Variants in ARNT2 observed in about 807,000 individuals in gnomAD.
ARNT2 encodes the protein aryl hydrocarbon receptor nuclear translocator 2, also known as ARNT protein 2.
A neutral mutation model predicts 91.7 loss-of-function variants in ARNT2; 36 were observed. That is an observed-to-expected ratio of 0.39 (90% CI 0.30 to 0.52). The LOEUF (loss-of-function observed/expected upper bound fraction) is 0.52, where lower values mean the gene tolerates loss of function less well. Ranked by LOEUF, ARNT2 falls within the 20% of genes least tolerant of loss-of-function variation. ARNT2 has a pLI of 0.72. For missense variants in ARNT2, 775 were observed against 939.3 expected, an observed-to-expected ratio of 0.83 and a Z score of 2.29; for synonymous variants, 365 against 347.1, an observed-to-expected ratio of 1.05 and a Z score of -0.57.
At position 80,541,901 on chromosome 15, in the gene ARNT2, C is replaced by T. The variant is rs1057088389; in HGVS notation, c.878-9298C>T. 3.3e-5 allele frequency among the ~76,000 whole-genome samples: 5 copies of T among 152,218 alleles called. No homozygotes were observed. The East Asian group carries it at 9.6e-4, about 29-fold the overall frequency. ...TCCCCTACTGCCTTCCTGCAGTCAT[C>T]CATCAAGACCCTGGTCACGTGAGTG... is the stretch of plus-strand genomic sequence containing the variant. On this transcript the variant is annotated intron_variant, in intron 8 of 18. Transcript: ENST00000303329.
chr15:80,463,692 C>T (rs1896599037), intron 3 of ARNT2, among the ~76,000 whole-genome samples: 1 of 151,630 alleles, frequency 6.6e-6, no homozygotes, highest in Non-Finnish European at 1.5e-5. Flanking sequence ...AATTCTCCTG[C>T]CTCAGCCTCC....
At chr15:80,531,877 G>A (rs1470562602) in intron 8 of ARNT2, among the ~76,000 whole-genome samples, 2 of 152,098 alleles carry the variant, frequency 1.3e-5, no homozygotes, top group Non-Finnish European at 2.9e-5. Flanking sequence ...TGACCCTAAC[G>A]TCTCTCAGCT....
intron 1 of ARNT2, among the ~76,000 whole-genome samples, chr15:80,442,511 A>G (rs1193198165): frequency 1.3e-5 from 2 of 152,222 alleles, no homozygotes; most frequent in East Asian, 3.8e-4. Context: ...GGCTCAAAAG[A>G]AGAGCTTTGC....
intron 8 of ARNT2, among the ~76,000 whole-genome samples, chr15:80,539,973 G>A (rs932760382): frequency 1.3e-5 from 2 of 152,018 alleles, no homozygotes; most frequent in Non-Finnish European, 2.9e-5. Context: ...AAGGAGAACA[G>A]TATGAAAGTT....
intron 1 of ARNT2, chr15:80,433,872 G>A (rs1451379384): frequency 6.6e-6 from 1 of 151,666 alleles, no homozygotes; most frequent in African/African-American, 2.4e-5. Context: ...AGACGAAAAG[G>A]GCATGATCCA....
At chr15:80,458,053 C>A in intron 3 of ARNT2, 77 bp downstream of exon 3, 2 of 1,482,562 alleles carry the variant, frequency 1.3e-6, no homozygotes, top group South Asian at 2.3e-5. Flanking sequence ...AAGAATGTAA[C>A]GTCTTTTGTC....
chr15:80,423,445 G>T (rs1463017748), intron 1 of ARNT2, among the ~76,000 whole-genome samples: 1 of 152,098 alleles, frequency 6.6e-6, no homozygotes, highest in Non-Finnish European at 1.5e-5. Flanking sequence ...CACATAATCA[G>T]TTATGTCTAA....
chr15:80,566,295 G>C (rs1254053891), intron 12 of ARNT2, among the ~76,000 whole-genome samples: 3 of 151,954 alleles, frequency 2.0e-5, no homozygotes, highest in Non-Finnish European at 4.4e-5. Context: ...CCAACAAACA[G>C]AGACACCAGG....
intron 8 of ARNT2, among the ~76,000 whole-genome samples, chr15:80,528,775 T>C (rs1595999693): frequency 6.6e-6 from 1 of 152,308 alleles, no homozygotes; most frequent in Non-Finnish European, 1.5e-5. Context: ...AGAAGCACCC[T>C]GAGACCTTCA....
rs779686803 is a variant in ARNT2, at chr15:80,471,212, A to G, written c.408+781A>G. ...CTACACAGCCATATAAAAGAATGAG[A>G]TCATGTCCTTTGCAGGAACATGGAT... is the stretch of plus-strand genomic sequence containing the variant. On this transcript the variant is annotated intron_variant, in intron 4 of 18. Transcript: ENST00000303329. Among the ~76,000 whole-genome samples the G allele has an allele frequency of 4.6e-5, 7 of 152,256 alleles. No homozygotes were observed. The South Asian group carries it at 1.4e-3, about 31-fold the overall frequency.
intron 1 of ARNT2, among the ~76,000 whole-genome samples, chr15:80,419,575 G>T (rs1240194365): frequency 6.6e-6 from 1 of 152,206 alleles, no homozygotes; most frequent in East Asian, 1.9e-4. Context: ...GTGTTAACTA[G>T]GCATCCAGCA....
chr15:80,579,248 T>G (rs1898746592), intron 15 of ARNT2, among the ~76,000 whole-genome samples: 2 of 152,016 alleles, frequency 1.3e-5, no homozygotes, highest in African/African-American at 4.8e-5. Flanking sequence ...GACCAGAAAA[T>G]GTCCTCTGAA....
At chr15:80,557,333 C>G (rs1898210543) in intron 11 of ARNT2, among the ~76,000 whole-genome samples, 1 of 152,132 alleles carries the variant, frequency 6.6e-6, no homozygotes, top group South Asian at 2.1e-4. Flanking sequence ...GCTGCCTTCT[C>G]TCCTCCCTGT....
At chr15:80,449,443 T>A (rs1896355011) in intron 1 of ARNT2, among the ~76,000 whole-genome samples, 2 of 152,306 alleles carry the variant, frequency 1.3e-5, no homozygotes, top group Non-Finnish European at 2.9e-5. Flanking sequence ...GTTATTGCTT[T>A]TAATACTGTC....
chr15:80,536,539 G>A (rs1482664884), intron 8 of ARNT2, among the ~76,000 whole-genome samples: 4 of 152,158 alleles, frequency 2.6e-5, no homozygotes, highest in South Asian at 4.1e-4. Flanking sequence ...ATATTCACCC[G>A]TGCAAGCTTC....
intron 6 of ARNT2, 66 bp from the exon 7 acceptor site, chr15:80,513,845 C>T: frequency 7.4e-7 from 1 of 1,358,202 alleles, no homozygotes. Flanking sequence ...TACTTGATGG[C>T]AGCACCATAT....
chr15:80,470,230 T>C lies in ARNT2; in HGVS notation c.207T>C (p.Ser69=). 6.2e-7 allele frequency: 1 copy of C among 1,613,922 alleles called. No homozygotes were observed. The highest frequency in any genetic ancestry group is 8.5e-7 in the Non-Finnish European group (1 of 1,179,944). Residue 69 remains serine, a synonymous_variant, in exon 4 of 19, where the codon AGT becomes AGC. Transcript: ENST00000303329. ...GCTTTCTGGAAAGAGAGAATCATAG[T>C]GAAATCGAAAGGCGCAGACGGAACA... is the stretch of plus-strand genomic sequence containing the variant. ...GPSKFSRENH[S]EIERRRRNKM... is the part of the protein sequence containing the mutation.
At chr15:80,433,699 C>T (rs1394204604) in intron 1 of ARNT2, 1 of 152,110 alleles carries the variant, frequency 6.6e-6, no homozygotes, top group Non-Finnish European at 1.5e-5. Flanking sequence ...TGAAGGTTTG[C>T]TGAAAAATCA....
At chr15:80,516,348 G>A (rs573867312) in intron 8 of ARNT2, among the ~76,000 whole-genome samples, 6 of 152,040 alleles carry the variant, frequency 3.9e-5, no homozygotes, top group Non-Finnish European at 7.4e-5. Context: ...CTTTTTTTGC[G>A]TCACGTATTT....
Sources: allele counts gnomAD v4.1 joint callset (sites outside exome capture counted in the v4.1 genomes callset), GRCh38; gene constraint gnomAD v4.1.1; transcripts MANE v1.5; gene names NCBI Gene and HGNC (gene_info 2026-07-23, HGNC 2026-07-21).